CEP162: variants seen among roughly 807,000 people sequenced by gnomAD.
The protein encoded by CEP162 is centrosomal protein 162.
Under a neutral mutation model 169.2 loss-of-function variants are expected in CEP162, and 141 were observed. That is an observed-to-expected ratio of 0.83 (90% confidence interval 0.73 to 0.96). The LOEUF (loss-of-function observed/expected upper bound fraction) is 0.96. CEP162 is among the 40% of genes least tolerant of loss of function. The pLI is 0.00. For synonymous variants in CEP162, 540 were observed against 526.4 expected (o/e 1.03, Z -0.35); for missense variants, 1,600 against 1,587.2 (o/e 1.01, Z -0.14).
intron 13 of CEP162, among the ~76,000 whole-genome samples, chr6:84,176,402 A>C (rs969363485): frequency 1.3e-5 from 2 of 152,192 alleles, no homozygotes; most frequent in African/African-American, 4.8e-5. Context: ...GAAATTTCTA[A>C]AAGTGTTCAT....
intron 10 of CEP162, among the ~76,000 whole-genome samples, chr6:84,194,546 C>T (rs938516862): frequency 4.6e-5 from 7 of 151,270 alleles, no homozygotes; most frequent in African/African-American, 9.7e-5. Flanking sequence ...CTTCGTCTCC[C>T]GTGTTCAAGT....
intron 25 of CEP162, among the ~76,000 whole-genome samples, chr6:84,135,883 G>A (rs1419752368): frequency 6.6e-6 from 1 of 152,246 alleles, no homozygotes; most frequent in East Asian, 1.9e-4. Flanking sequence ...AAAAAAATGA[G>A]CCTGGTACAC....
intron 5 of CEP162, among the ~76,000 whole-genome samples, chr6:84,214,696 T>C (rs911705798): frequency 6.6e-6 from 1 of 152,222 alleles, no homozygotes; most frequent in Admixed American, 6.5e-5. Flanking sequence ...ATTATGATCT[T>C]CTTTCCATTC....
intron 16 of CEP162, 93 bp from the exon 17 acceptor site, chr6:84,171,811 G>T: frequency 2.3e-6 from 1 of 442,884 alleles, no homozygotes. Context: ...TCCTTTAAAC[G>T]GCCTTTTAAG....
At position 84,148,971 on chromosome 6, in the gene CEP162, C is replaced by T. The variant is rs530049271; in HGVS notation, c.3771+591G>A. On this transcript the variant is annotated intron_variant, in intron 24 of 26. Coordinates refer to ENST00000403245, the MANE Select transcript of CEP162 (RefSeq NM_014895.4). ...TCATAGATATTCTAAGTAGATATAC[C>T]TATTTTTCAAAAAGGAAGACACATT... Among the ~76,000 whole-genome samples the T allele has an allele frequency of 4.6e-5, 7 of 152,126 alleles. No individual in the cohort carries two copies. In the South Asian group the frequency reaches 1.5e-3, roughly 32 times the overall value.
intron 25 of CEP162, among the ~76,000 whole-genome samples, chr6:84,134,545 G>A (rs1433462267): frequency 6.6e-6 from 1 of 152,148 alleles, no homozygotes; most frequent in East Asian, 1.9e-4. Flanking sequence ...AACTGGGCTG[G>A]AGTGCACCGT....
At chr6:84,218,254 G>C (rs2099552299) in intron 3 of CEP162, among the ~76,000 whole-genome samples, 1 of 152,194 alleles carries the variant, frequency 6.6e-6, no homozygotes, top group African/African-American at 2.4e-5. Context: ...GCATGACAAT[G>C]GGAGGGGCAG....
chr6:84,199,234 T>C (rs188875925), intron 9 of CEP162, among the ~76,000 whole-genome samples: 1 of 152,264 alleles, frequency 6.6e-6, no homozygotes, highest in African/African-American at 2.4e-5. Flanking sequence ...ACTCAGCACA[T>C]GCTTACATCA....
rs78744229 is a variant in CEP162 at position 84,165,930 on chromosome 6, C to T, written c.2386-2660G>A. 7.1e-4 allele frequency among the ~76,000 whole-genome samples: 108 copies of T among 152,190 alleles called. 3 individuals carry two copies. In the East Asian group the frequency reaches 0.018, roughly 25 times the overall value. On this transcript the variant is annotated intron_variant, in intron 18 of 26. Transcript: ENST00000403245. Reference sequence around the variant, plus strand: ...AAACTAAAATTGATCTAAAAGTTGCCGAATGCTCTTTCTGCAAAAACCTGT... The same window carrying T: ...AAACTAAAATTGATCTAAAAGTTGCTGAATGCTCTTTCTGCAAAAACCTGT...
intron 25 of CEP162, among the ~76,000 whole-genome samples, chr6:84,134,204 C>G (rs577406604): frequency 6.6e-6 from 1 of 152,152 alleles, no homozygotes; most frequent in Non-Finnish European, 1.5e-5. Flanking sequence ...GGATGCCACT[C>G]CCCCCACCAA....
At chr6:84,166,671 A>G (rs979977748) in intron 18 of CEP162, among the ~76,000 whole-genome samples, 1 of 152,106 alleles carries the variant, frequency 6.6e-6, no homozygotes, top group African/African-American at 2.4e-5. Context: ...TCTCCTCCCA[A>G]TCCTGGGATA....
chr6:84,199,972 C>T (rs1362321271), intron 9 of CEP162, among the ~76,000 whole-genome samples: 3 of 152,158 alleles, frequency 2.0e-5, no homozygotes, highest in Non-Finnish European at 2.9e-5. Flanking sequence ...TCAACTGGGC[C>T]GGGTGTGGTG....
In CEP162 at chr6:84,153,007, T is replaced by A; in HGVS notation, c.3167A>T (p.Asn1056Ile). The change falls in exon 23 of 27, where the codon AAT (asparagine) becomes ATT (isoleucine). Residue 1056 changes from asparagine to isoleucine, a missense_variant. Asn to Ile is a moderately radical substitution (Grantham distance 149, BLOSUM62 -3). Coordinates refer to ENST00000403245, the MANE Select transcript of CEP162 (RefSeq NM_014895.4). ...EAEIDVLKHQ[N>I]AELDVKKNDK... is the part of the protein sequence containing the mutation. ...ATTTTTCTTGACGTCTAATTCAGCATTCTGATGTTTAAGAACGTCTATTTC... is the reference window on the plus strand; with the variant it reads ...ATTTTTCTTGACGTCTAATTCAGCAATCTGATGTTTAAGAACGTCTATTTC... The A allele has an allele frequency of 6.2e-7, 1 of 1,613,622 alleles. No individual in the cohort carries two copies. Among genetic ancestry groups the A allele is most frequent in the Non-Finnish European group, 8.5e-7 (1 of 1,179,734 alleles).
chr6:84,182,564 A>T (rs1006531248), intron 13 of CEP162, among the ~76,000 whole-genome samples: 2 of 152,150 alleles, frequency 1.3e-5, no homozygotes, highest in Admixed American at 1.3e-4. Context: ...AACTCCATTC[A>T]ACTTACGGCC....
intron 19 of CEP162, among the ~76,000 whole-genome samples, chr6:84,162,545 T>G (rs1588764131): frequency 6.6e-6 from 1 of 152,156 alleles, no homozygotes; most frequent in Non-Finnish European, 1.5e-5. Context: ...TCTGCCACTC[T>G]AAGTTATAGA....
chr6:84,215,983 G>C (rs1237399599), intron 3 of CEP162, 61 bp from the exon 4 acceptor site: 1 of 1,453,588 alleles, frequency 6.9e-7, no homozygotes, highest in Non-Finnish European at 9.0e-7. Flanking sequence ...TGGCCACTAT[G>C]ACAACACAAT....
chr6:84,192,301 G>A (rs1180351575), intron 11 of CEP162, among the ~76,000 whole-genome samples: 2 of 152,118 alleles, frequency 1.3e-5, no homozygotes, highest in Non-Finnish European at 2.9e-5. Flanking sequence ...TCTGTTTTAA[G>A]CTTTTAAACA....
At chr6:84,211,052 A>G (rs2099549216) in intron 6 of CEP162, among the ~76,000 whole-genome samples, 1 of 152,230 alleles carries the variant, frequency 6.6e-6, no homozygotes, top group Admixed American at 6.5e-5. Context: ...TCTAAGAGGC[A>G]GGAAAAAGTG....
chr6:84,172,385 C>T (rs937338502), intron 16 of CEP162, among the ~76,000 whole-genome samples: 1 of 152,164 alleles, frequency 6.6e-6, no homozygotes, highest in Admixed American at 6.5e-5. Flanking sequence ...GATGCCCTCC[C>T]TGGCTTATGA....
Sources: gnomAD v4.1 joint callset for allele counts (sites outside exome capture counted in the v4.1 genomes callset) on GRCh38, gnomAD v4.1.1 for gene constraint, MANE v1.5 for transcripts, NCBI Gene and HGNC (gene_info 2026-07-23, HGNC 2026-07-21) for gene names.